The following ABTB3 variants were observed in gnomAD, a reference collection of about 807,000 sequenced individuals.
The protein encoded by ABTB3 is ankyrin repeat and BTB domain containing 3.
At chr12:107,423,058 A>G in the ABTB3 span, among the ~76,000 whole-genome samples, 28 of 152,204 alleles carry the variant, frequency 1.8e-4, no homozygotes, top group African/African-American at 6.5e-4. Context: ...AATAGAATAC[A>G]CAGCTTGACC....
the ABTB3 span, among the ~76,000 whole-genome samples, chr12:107,547,243 G>A: frequency 1.3e-5 from 2 of 152,032 alleles, no homozygotes; most frequent in Admixed American, 6.6e-5. Context: ...GGAGGAAGAA[G>A]AGGAAGAGGA....
At chr12:107,357,216 G>A in the ABTB3 span, among the ~76,000 whole-genome samples, 1 of 152,232 alleles carries the variant, frequency 6.6e-6, no homozygotes, top group Non-Finnish European at 1.5e-5. Flanking sequence ...TATTTTGCAA[G>A]AATGGCAACT....
At chr12:107,583,099 G>A in the ABTB3 span, among the ~76,000 whole-genome samples, 1 of 152,162 alleles carries the variant, frequency 6.6e-6, no homozygotes, top group Non-Finnish European at 1.5e-5. Context: ...AACCTCTCTG[G>A]ACCTTAGTTT....
chr12:107,348,265 A>G, the ABTB3 span, among the ~76,000 whole-genome samples: 2 of 152,108 alleles, frequency 1.3e-5, no homozygotes, highest in Non-Finnish European at 2.9e-5. Context: ...ACATATACAT[A>G]TATGTATATA....
At chr12:107,333,391 G>T in the ABTB3 span, among the ~76,000 whole-genome samples, 12 of 152,160 alleles carry the variant, frequency 7.9e-5, no homozygotes, top group Non-Finnish European at 1.8e-4. Flanking sequence ...GAGAGAGCTG[G>T]GTGGGACCTG....
chr12:107,551,320 A>G, the ABTB3 span, among the ~76,000 whole-genome samples: 1 of 152,208 alleles, frequency 6.6e-6, no homozygotes, highest in African/African-American at 2.4e-5. Flanking sequence ...CAACCACCAT[A>G]TAAATGATTC....
the ABTB3 span, among the ~76,000 whole-genome samples, chr12:107,494,738 T>C: frequency 5.9e-5 from 9 of 152,174 alleles, no homozygotes; most frequent in Non-Finnish European, 1.2e-4. Context: ...GCCACCTCCC[T>C]TGGGCTTCAG....
the ABTB3 span, among the ~76,000 whole-genome samples, chr12:107,362,671 T>C: frequency 6.6e-6 from 1 of 152,022 alleles, no homozygotes; most frequent in Non-Finnish European, 1.5e-5. Context: ...CACATGCCTG[T>C]AGTCACAGCT....
chr12:107,331,274 C>G, the ABTB3 span, among the ~76,000 whole-genome samples: 2 of 152,196 alleles, frequency 1.3e-5, no homozygotes, highest in Non-Finnish European at 2.9e-5. Flanking sequence ...AGGGGCTGGG[C>G]TCACCCTCGT....
chr12:107,457,121 C>A, the ABTB3 span, among the ~76,000 whole-genome samples: 2 of 152,214 alleles, frequency 1.3e-5, no homozygotes, highest in African/African-American at 4.8e-5. Flanking sequence ...CTTGGCCTAC[C>A]AAAGTGCTAG....
chr12:107,603,630 C>T, the ABTB3 span, among the ~76,000 whole-genome samples: 1 of 152,126 alleles, frequency 6.6e-6, no homozygotes, highest in African/African-American at 2.4e-5. Context: ...ATTTCCATAA[C>T]ATTGGCCTGG....
chr12:107,649,314 TG>T, the ABTB3 span: 1 of 1,565,052 alleles, frequency 6.4e-7, no homozygotes, highest in African/African-American at 1.4e-5. Context: ...ATAGGTCCCT[TG>T]GGTGAGTGGC....
chr12:107,528,588 G>C, the ABTB3 span, among the ~76,000 whole-genome samples: 2 of 152,082 alleles, frequency 1.3e-5, no homozygotes, highest in African/African-American at 4.8e-5. Context: ...TTGTTGTTTT[G>C]GGATCATGAC....
At chr12:107,364,836 G>A in the ABTB3 span, among the ~76,000 whole-genome samples, 2 of 152,132 alleles carry the variant, frequency 1.3e-5, no homozygotes, top group African/African-American at 2.4e-5. Context: ...GAAGGCTGGC[G>A]CTGCCAAAAT....
chr12:107,360,874 C>T, the ABTB3 span, among the ~76,000 whole-genome samples: 1 of 151,560 alleles, frequency 6.6e-6, no homozygotes, highest in East Asian at 1.9e-4. Context: ...CTTCCTCAGC[C>T]TCCTGAGTAG....
the ABTB3 span, among the ~76,000 whole-genome samples, chr12:107,372,530 G>A: frequency 1.3e-5 from 2 of 152,068 alleles, no homozygotes; most frequent in East Asian, 3.9e-4. Context: ...TATTACCAAG[G>A]GGGGCCATAA....
At chr12:107,387,697 C>A in the ABTB3 span, among the ~76,000 whole-genome samples, 17 of 152,194 alleles carry the variant, frequency 1.1e-4, no homozygotes, top group Admixed American at 1.0e-3. Context: ...TTAAGTACAT[C>A]TCGTCCCTGG....
the ABTB3 span, among the ~76,000 whole-genome samples, chr12:107,653,957 C>A: frequency 6.6e-6 from 1 of 152,200 alleles, no homozygotes; most frequent in Admixed American, 6.5e-5. Context: ...TCCCCTCCCC[C>A]AGGCCCGGGT....
At chr12:107,434,021 C>T in the ABTB3 span, among the ~76,000 whole-genome samples, 1 of 152,142 alleles carries the variant, frequency 6.6e-6, no homozygotes, top group Non-Finnish European at 1.5e-5. Context: ...ATCCTCATGA[C>T]CTGATCATCT....
Sources: gnomAD v4.1 joint callset for allele counts (sites outside exome capture counted in the v4.1 genomes callset) on GRCh38, gnomAD v4.1.1 for gene constraint, MANE v1.5 for transcripts, NCBI Gene and HGNC (gene_info 2026-07-23, HGNC 2026-07-21) for gene names.